TRIM72: variants seen among roughly 807,000 people sequenced by gnomAD.
TRIM72 encodes tripartite motif containing 72, also known as tripartite motif-containing protein 72.
In TRIM72, 33 loss-of-function variants were observed where a neutral mutation model predicts 31.6. That is an observed-to-expected ratio of 1.04 (90% confidence interval 0.79 to 1.40). The LOEUF (loss-of-function observed/expected upper bound fraction) is 1.40. Ranked by LOEUF, TRIM72 falls within the 40% of genes most tolerant of loss-of-function variation. TRIM72 has a pLI of 0.00. For synonymous variants in TRIM72, 301 were observed against 314.4 expected, an observed-to-expected ratio of 0.96 and a Z score of 0.45; for missense variants, 666 against 682.7, an observed-to-expected ratio of 0.98 and a Z score of 0.27.
chr16:31,223,389 C>G (rs531504689), intron 6 of TRIM72, among the ~76,000 whole-genome samples: 49 of 152,326 alleles, frequency 3.2e-4, no homozygotes, highest in Admixed American at 1.6e-3. Flanking sequence ...TTCCTCCCCC[C>G]AAGAGCTGGA....
chr16:31,221,240 C>T (rs1392717267), intron 5 of TRIM72, among the ~76,000 whole-genome samples: 1 of 152,140 alleles, frequency 6.6e-6, no homozygotes, highest in Non-Finnish European at 1.5e-5. Flanking sequence ...CAGGAGCTGG[C>T]TAGGCAAAGC....
In TRIM72 at chr16:31,215,469, C is replaced by T. The variant is rs567603860; in HGVS notation, c.390+341C>T. Among the ~76,000 whole-genome samples the T allele has an allele frequency of 2.0e-5, 3 of 152,218 alleles. No individual in the cohort carries two copies. The highest frequency in any genetic ancestry group is 2.9e-5 in the Non-Finnish European group (2 of 68,034). Reference sequence around the variant, plus strand: ...GGAGCCAGGCGGAGCAGGGACTGACCAGCCCCTGCGGCCCACGCTCGCATT... The same window carrying T: ...GGAGCCAGGCGGAGCAGGGACTGACTAGCCCCTGCGGCCCACGCTCGCATT... On this transcript the variant is annotated intron_variant, in intron 2 of 6. Coordinates refer to ENST00000322122, the MANE Select transcript of TRIM72 (RefSeq NM_001008274.4). This position sits in a 1 kb window ranked among gnomAD's most constrained non-coding sequence, Gnocchi z 6.3.
At position 31,227,127 on chromosome 16, in the gene TRIM72, A is replaced by G. The variant is rs991989252; in HGVS notation, c.*2372A>G. The G allele has an allele frequency of 6.6e-6, 1 of 152,320 alleles. No individual in the cohort carries two copies. Among genetic ancestry groups the G allele is most frequent in the South Asian group, 2.1e-4 (1 of 4,822 alleles). The allele number at this position is 152,320 out of a possible 1,614,324, so 9.4% of individuals were successfully genotyped here. The stretch of plus-strand genomic sequence containing the variant: ...AGCTAAGGGATTATTTGGTTGTAAA[A>G]TCCAACACCATTAATAAAACTGTTA... On this transcript the variant is annotated 3_prime_UTR_variant, in exon 7 of 7. Coordinates refer to ENST00000322122, the MANE Select transcript of TRIM72 (RefSeq NM_001008274.4).
chr16:31,214,693 C>G, intron 1 of TRIM72, 39 bp from the exon 2 acceptor site: 3 of 1,475,782 alleles, frequency 2.0e-6, no homozygotes, highest in Non-Finnish European at 2.7e-6. Context: ...GGGAGCGCGG[C>G]GCCGCGGGGT....
Position 31,225,393 on chromosome 16 carries a change from T to C in TRIM72, c.*638T>C, listed in dbSNP as rs972240797. 6.6e-6 allele frequency: 1 copy of C among 150,988 alleles called. No individual in the cohort carries two copies. The highest frequency in any genetic ancestry group is 2.4e-5 in the African/African-American group (1 of 41,082). 9.4% of individuals were successfully genotyped at this position (150,988 alleles called of 1,614,324 possible). A position where few individuals can be genotyped will look rare whatever the true frequency, so the allele number is the denominator to read the frequency against. On this transcript the variant is annotated 3_prime_UTR_variant, in exon 7 of 7. Coordinates refer to ENST00000322122, the MANE Select transcript of TRIM72 (RefSeq NM_001008274.4). ...GGAGGGACAGGGCCAGGTTGGGGGA[T>C]TGATGGGAGGAGCTTGAGAACCTGT...
intron 5 of TRIM72, among the ~76,000 whole-genome samples, chr16:31,221,560 G>GAGA (rs2079533908): frequency 6.8e-6 from 1 of 146,910 alleles, no homozygotes; most frequent in African/African-American, 2.5e-5. Flanking sequence ...GCATTGTGGG[G>GAGA]AGAAGGGCAC....
intron 4 of TRIM72, 102 bp from the exon 5 acceptor site, chr16:31,220,794 C>G: frequency 6.9e-7 from 1 of 1,456,522 alleles, no homozygotes; most frequent in Non-Finnish European, 9.6e-7. Context: ...CTGATTCTTT[C>G]TGACGTTGCA....
chr16:31,217,249 G>A (rs1194292268), intron 2 of TRIM72: 2 of 575,540 alleles, frequency 3.5e-6, no homozygotes, highest in Non-Finnish European at 3.1e-6. Context: ...AATTGTTGAG[G>A]TGGGGATTGC....
chr16:31,214,937 A>G lies in TRIM72; in HGVS notation c.199A>G (p.Thr67Ala), dbSNP rs1458658565. ...QAPTRPQALS[T>A]NLQLARLVEG... ...CCCCACGCGGCCGCAGGCACTCAGC[A>G]CCAACCTGCAGCTGGCGCGCCTGGT... is the stretch of plus-strand genomic sequence containing the variant. The change falls in exon 2 of 7, where the codon ACC becomes GCC. Residue 67 changes from threonine (T) to alanine (A), a missense_variant. Physicochemically the swap from Thr to Ala is moderately conservative, Grantham distance 58. Coordinates refer to ENST00000322122, the MANE Select transcript of TRIM72 (RefSeq NM_001008274.4). 3 of 1,498,636 alleles carry G rather than the reference A, an allele frequency of 2.0e-6. No homozygotes were observed. The highest frequency in any genetic ancestry group is 2.2e-5 in the Admixed American group (1 of 46,478). 92.8% of individuals were successfully genotyped at this position (1,498,636 alleles called of 1,614,324 possible). A position where few individuals can be genotyped will look rare whatever the true frequency, so the allele number is the denominator to read the frequency against.
rs1596946334 is a variant in TRIM72, at chr16:31,229,005, C to A, written c.*4250C>A. The A allele has an allele frequency of 1.3e-5, 2 of 152,518 alleles. No individual in the cohort carries two copies. Among genetic ancestry groups the A allele is most frequent in the East Asian group, 3.8e-4 (2 of 5,206 alleles). 9.4% of individuals were successfully genotyped at this position (152,518 alleles called of 1,614,324 possible). A position where few individuals can be genotyped will look rare whatever the true frequency, so the allele number is the denominator to read the frequency against. On this transcript the variant is annotated 3_prime_UTR_variant, in exon 7 of 7. Coordinates refer to ENST00000322122, the MANE Select transcript of TRIM72 (RefSeq NM_001008274.4). ...GCCTCCAGGAAGAATCAGTTACTCT[C>A]CTCTCTGGATCGCCCAGCAGCTCCT...
At position 31,229,787 on chromosome 16, in the gene TRIM72, A is replaced by C. The variant is rs2144205352; in HGVS notation, c.*5032A>C. 1 of 152,378 alleles carries C rather than the reference A, an allele frequency of 6.6e-6. No homozygotes were observed. Among genetic ancestry groups the C allele is most frequent in the South Asian group, 2.1e-4 (1 of 4,832 alleles). 9.4% of individuals were successfully genotyped at this position (152,378 alleles called of 1,614,324 possible). A position where few individuals can be genotyped will look rare whatever the true frequency, so the allele number is the denominator to read the frequency against. ...CCTGCCAAGGCCATGATAAAACTGCAAGCAAGAACATTTATCGTGGCCAGG... is the reference window on the plus strand; with the variant it reads ...CCTGCCAAGGCCATGATAAAACTGCCAGCAAGAACATTTATCGTGGCCAGG... On this transcript the variant is annotated 3_prime_UTR_variant, in exon 7 of 7. Transcript: ENST00000322122.
chr16:31,220,364 G>A (rs2079527974), intron 4 of TRIM72, among the ~76,000 whole-genome samples: 1 of 149,972 alleles, frequency 6.7e-6, no homozygotes, highest in African/African-American at 2.4e-5. Context: ...CTAACAGGTG[G>A]AATCAGAGTT....
Position 31,216,069 on chromosome 16 carries a change from G to A in TRIM72, c.390+941G>A, listed in dbSNP as rs1045522184. The A allele has an allele frequency of 3.2e-4, 49 of 152,552 alleles. No homozygotes were observed. The highest frequency in any genetic ancestry group is 1.2e-3 in the African/African-American group (49 of 41,578). 9.4% of individuals were successfully genotyped at this position (152,552 alleles called of 1,614,324 possible). ...CGGAGGCGTCCTTGGTCCCCGAGGT[G>A]GAGACACTGCTGTTGTCTTACGCGA... On this transcript the variant is annotated intron_variant, in intron 2 of 6. Coordinates refer to ENST00000322122, the MANE Select transcript of TRIM72 (RefSeq NM_001008274.4). The surrounding 1 kb of genome is among the most constrained non-coding windows in gnomAD (Gnocchi z 6.7).
In TRIM72 at chr16:31,216,710, G is replaced by A; in HGVS notation, c.390+1582G>A. 2 of 1,559,104 alleles carry A rather than the reference G, an allele frequency of 1.3e-6. No individual in the cohort carries two copies. Among genetic ancestry groups the A allele is most frequent in the Non-Finnish European group, 1.7e-6 (2 of 1,149,124 alleles). On this transcript the variant is annotated intron_variant, in intron 2 of 6. Transcript: ENST00000322122. The surrounding 1 kb of genome is among the most constrained non-coding windows in gnomAD (Gnocchi z 6.7). ...GGGACCTGACGCGTGGGTCCTTGGC[G>A]AGGAAGCGGGGTTGGGTCCCGAGAT...
chr16:31,230,907 A>G lies in TRIM72; in HGVS notation c.*6152A>G, dbSNP rs1596947191. ...GAATGAGACTCTGTCTCAAAGGAAA[A>G]AAAAGAAAATTTATTGAGACCTTAT... On this transcript the variant is annotated 3_prime_UTR_variant, in exon 7 of 7. Transcript: ENST00000322122. 6.6e-6 allele frequency: 1 copy of G among 152,046 alleles called. No homozygotes were observed. Among genetic ancestry groups the G allele is most frequent in the Non-Finnish European group, 1.5e-5 (1 of 68,014 alleles). The allele number at this position is 152,046 out of a possible 1,614,324, so 9.4% of individuals were successfully genotyped here.
chr16:31,215,948 G>A lies in TRIM72; in HGVS notation c.390+820G>A, dbSNP rs1439136547. ...CGTATAGCTACCGGCGGGCACGTGT[G>A]CGCGCAGCCCCAGTAAAGTCTGCCA... On this transcript the variant is annotated intron_variant, in intron 2 of 6. Coordinates refer to ENST00000322122, the MANE Select transcript of TRIM72 (RefSeq NM_001008274.4). The surrounding 1 kb of genome is among the most constrained non-coding windows in gnomAD (Gnocchi z 6.3). 1 of 152,216 alleles carries A rather than the reference G, an allele frequency of 6.6e-6. No individual in the cohort carries two copies. Among genetic ancestry groups the A allele is most frequent in the Non-Finnish European group, 1.5e-5 (1 of 68,046 alleles). 9.4% of individuals were successfully genotyped at this position (152,216 alleles called of 1,614,324 possible). A position where few individuals can be genotyped will look rare whatever the true frequency, so the allele number is the denominator to read the frequency against.
chr16:31,219,647 C>A lies in TRIM72; in HGVS notation c.717+128C>A. The A allele has an allele frequency of 1.2e-6, 1 of 818,980 alleles. No homozygotes were observed. The highest frequency in any genetic ancestry group is 2.0e-6 in the Non-Finnish European group (1 of 506,288). 50.7% of individuals were successfully genotyped at this position (818,980 alleles called of 1,614,324 possible). ...GCAGCACACAGCCGGGAGGGGCAGG[C>A]CTCAGGACTGCTATATGGTTGTTTA... On this transcript the variant is annotated intron_variant, in intron 4 of 6. Coordinates refer to ENST00000322122, the MANE Select transcript of TRIM72 (RefSeq NM_001008274.4). This position sits in a 1 kb window ranked among gnomAD's most constrained non-coding sequence, Gnocchi z 4.2.
At chr16:31,214,683 G>A (rs1281191686) in intron 1 of TRIM72, 49 bp from the exon 2 acceptor site, 4 of 1,444,844 alleles carry the variant, frequency 2.8e-6, no homozygotes, top group African/African-American at 1.5e-5. Flanking sequence ...GGGCTGGGCC[G>A]GGAGCGCGGC....
Position 31,224,553 on chromosome 16 carries a change from C to G in TRIM72, c.1232C>G (p.Thr411Arg). The change falls in exon 7 of 7, where the codon ACG becomes AGG. Residue 411 changes from threonine (T) to arginine (R), a missense_variant. Thr to Arg is a moderately conservative substitution (Grantham distance 71, BLOSUM62 -1). Coordinates refer to ENST00000322122, the MANE Select transcript of TRIM72 (RefSeq NM_001008274.4). Reference sequence around the variant, plus strand: ...CTGCGCAGCCCCGAGAGGCGGCCCACGCGCATTGGCCTTTACCTGAGCTTC... The same window carrying G: ...CTGCGCAGCCCCGAGAGGCGGCCCAGGCGCATTGGCCTTTACCTGAGCTTC... ...RALRSPERRP[T>R]RIGLYLSFGD... The G allele has an allele frequency of 6.5e-7, 1 of 1,536,100 alleles. No homozygotes were observed. The highest frequency in any genetic ancestry group is 8.7e-7 in the Non-Finnish European group (1 of 1,145,618).
Sources: allele counts gnomAD v4.1 joint callset (sites outside exome capture counted in the v4.1 genomes callset), GRCh38; gene constraint gnomAD v4.1.1; non-coding constraint Gnocchi (gnomAD v3.1); transcripts MANE v1.5; gene names NCBI Gene and HGNC (gene_info 2026-07-23, HGNC 2026-07-21).